The following ARHGAP22 variants were observed in gnomAD, a reference collection of about 807,000 sequenced individuals.
The protein encoded by ARHGAP22 is rho GTPase-activating protein 22.
In ARHGAP22, 48 loss-of-function variants were observed where a neutral mutation model predicts 59.1. The ratio of observed to expected loss-of-function variants is 0.81; its 90% confidence interval spans 0.64 to 1.03. ARHGAP22 has a LOEUF of 1.03. ARHGAP22 is among the 50% of genes least tolerant of loss of function. The probability of loss-of-function intolerance (pLI) is 0.00; values close to 1 mark genes in which losing one functional copy is unlikely to be tolerated. For missense variants in ARHGAP22, 1,015 were observed against 958.7 expected, an observed-to-expected ratio of 1.06 and a Z score of -0.78; for synonymous variants, 445 against 416.4, an observed-to-expected ratio of 1.07 and a Z score of -0.84.
chr10:48,478,315 CCT>C (rs2134051623), intron 4 of ARHGAP22, among the ~76,000 whole-genome samples: 1 of 152,316 alleles, frequency 6.6e-6, no homozygotes, highest in South Asian at 2.1e-4. Context: ...ATTCATGAAG[CCT>C]GAGAGAACAA....
In ARHGAP22 at chr10:48,529,890, T is replaced by C. The variant is rs369317135; in HGVS notation, c.322+25573A>G. ...ATTCAACAAATGGTGCTGTGATAAT[T>C]GGTAAGCCACACATAGAAGAATGAA... On this transcript the variant is annotated intron_variant, in intron 3 of 9. Transcript: ENST00000249601. 1.4e-4 allele frequency among the ~76,000 whole-genome samples: 22 copies of C among 152,152 alleles called. No individual in the cohort carries two copies. In the East Asian group the frequency reaches 3.1e-3, roughly 21 times the overall value.
intron 3 of ARHGAP22, among the ~76,000 whole-genome samples, chr10:48,537,543 T>G (rs1043215501): frequency 6.6e-5 from 10 of 152,216 alleles, no homozygotes; most frequent in Non-Finnish European, 1.2e-4. Flanking sequence ...CTCATGTTTA[T>G]TGAGCATCTG....
At chr10:48,618,164 A>C (rs575116635) in intron 1 of ARHGAP22, among the ~76,000 whole-genome samples, 1 of 152,220 alleles carries the variant, frequency 6.6e-6, no homozygotes, top group East Asian at 1.9e-4. Flanking sequence ...AGAAATGGAA[A>C]ATGTGAACAG....
rs773286684 is a variant in ARHGAP22, at chr10:48,450,349, G to A, written c.1780C>T (p.Arg594Cys). ...AGCCCCTGTAAGGCCTCGGAGCGGC[G>A]CGCGTGTTCCCGGGTGGGGCTGTCC... ...EPDSPTREHA[R>C]RSEALQGLVT... is the part of the protein sequence containing the mutation. The change falls in exon 9 of 10, where the codon CGC becomes TGC. Residue 594 changes from arginine (R) to cysteine (C), a missense_variant. Transcript: ENST00000249601. The A allele has an allele frequency of 1.8e-5, 28 of 1,592,694 alleles. No individual in the cohort carries two copies. The highest frequency in any genetic ancestry group is 4.5e-5 in the South Asian group (4 of 88,024).
At chr10:48,449,390 C>T (rs553058737) in intron 9 of ARHGAP22, among the ~76,000 whole-genome samples, 75 of 152,334 alleles carry the variant, frequency 4.9e-4, no homozygotes, top group African/African-American at 1.8e-3. Flanking sequence ...CTGGCACTCT[C>T]CATCACCCAG....
intron 9 of ARHGAP22, among the ~76,000 whole-genome samples, chr10:48,449,417 G>C (rs2045675083): frequency 6.6e-6 from 1 of 152,242 alleles, no homozygotes; most frequent in Admixed American, 6.5e-5. Flanking sequence ...GCTGTCAGCA[G>C]AGCAAAAGGG....
chr10:48,518,956 A>G (rs545646650), intron 3 of ARHGAP22, among the ~76,000 whole-genome samples: 1 of 152,380 alleles, frequency 6.6e-6, no homozygotes, highest in Admixed American at 6.5e-5. Flanking sequence ...GCCAATTTCT[A>G]GCCCAGGAGA....
chr10:48,493,082 G>T (rs1478739553), intron 3 of ARHGAP22, among the ~76,000 whole-genome samples: 2 of 152,172 alleles, frequency 1.3e-5, no homozygotes, highest in East Asian at 3.8e-4. Flanking sequence ...ACATGTGGCT[G>T]GTGGCTACAG....
chr10:48,434,872 C>T, the ARHGAP22 span: 1 of 1,598,798 alleles, frequency 6.3e-7, no homozygotes. Context: ...TGTTTTGTTT[C>T]TCATAGCACA....
Position 48,520,135 on chromosome 10 carries a change from G to A in ARHGAP22, c.322+35328C>T, listed in dbSNP as rs565319925. Among the ~76,000 whole-genome samples, 48 of 152,308 alleles carry A rather than the reference G, an allele frequency of 3.2e-4. 1 individual carries two copies. The East Asian group carries it at 7.9e-3, about 25-fold the overall frequency. ...AAAGCAGAAGAGGCAGTGGGAGTGC[G>A]GGACTGCACTGGAGTCTAATGAGGG... On this transcript the variant is annotated intron_variant, in intron 3 of 9. Transcript: ENST00000249601.
In ARHGAP22 at chr10:48,453,281, C is replaced by T. The variant is rs776694253; in HGVS notation, c.988+23G>A. 34 of 1,612,576 alleles carry T rather than the reference C, an allele frequency of 2.1e-5. 1 individual carries two copies. The Admixed American group carries it at 5.5e-4, about 26-fold the overall frequency. On this transcript the variant is annotated intron_variant, in intron 8 of 9. Coordinates refer to ENST00000249601, the MANE Select transcript of ARHGAP22 (RefSeq NM_021226.4). ...CCCAGACCCCGGCAGCACCCAGGGC[C>T]ACCAGGTACACCTCCCACTTACCTT...
intron 4 of ARHGAP22, among the ~76,000 whole-genome samples, chr10:48,461,195 A>G (rs2047102352): frequency 6.6e-6 from 1 of 152,240 alleles, no homozygotes; most frequent in Non-Finnish European, 1.5e-5. Context: ...ATCATCAGAA[A>G]CAAAAGAAGC....
At chr10:48,621,954 T>C (rs1342835343) in intron 1 of ARHGAP22, among the ~76,000 whole-genome samples, 1 of 152,188 alleles carries the variant, frequency 6.6e-6, no homozygotes, top group African/African-American at 2.4e-5. Context: ...TTGATTTTAG[T>C]GTAGCCCCTC....
chr10:48,462,118 C>T (rs370546291), intron 4 of ARHGAP22, among the ~76,000 whole-genome samples: 59 of 152,282 alleles, frequency 3.9e-4, no homozygotes, highest in Middle Eastern at 3.4e-3. Context: ...GAAGTGTGTA[C>T]GCACATGTGT....
chr10:48,532,180 G>A (rs913721733), intron 3 of ARHGAP22, among the ~76,000 whole-genome samples: 6 of 152,154 alleles, frequency 3.9e-5, no homozygotes, highest in African/African-American at 7.2e-5. Context: ...CAGGTTATGC[G>A]AGCTCTCAAG....
intron 1 of ARHGAP22, among the ~76,000 whole-genome samples, chr10:48,643,764 A>AATATATATATATATATATATATAT (rs34206353): frequency 1.4e-5 from 2 of 144,264 alleles, no homozygotes; most frequent in African/African-American, 5.2e-5. Flanking sequence ...AAAAAAAAAA[A>AATATATATATATATATATATATAT]ATATATATAT....
rs775111667 is a variant in ARHGAP22, at chr10:48,450,737, C to A, written c.1392G>T (p.Gly464=). Residue 464 remains glycine, a synonymous_variant, in exon 9 of 10, where the codon GGG becomes GGT. Coordinates refer to ENST00000249601, the MANE Select transcript of ARHGAP22 (RefSeq NM_021226.4). The part of the protein sequence containing the change: ...ISSGGNWLMN[G]LSSLRGHRRA... ...GGCGGTGTCCGCGCAGGGAGGACAG[C>A]CCGTTCATAAGCCAGTTCCCGCCGG... The A allele has an allele frequency of 1.2e-5, 19 of 1,558,730 alleles. No homozygotes were observed. The highest frequency in any genetic ancestry group is 3.8e-5 in the Admixed American group (2 of 52,410).
chr10:48,619,851 A>G (rs965458169), intron 1 of ARHGAP22, among the ~76,000 whole-genome samples: 2 of 152,202 alleles, frequency 1.3e-5, no homozygotes, highest in African/African-American at 4.8e-5. Context: ...GACAAATAAG[A>G]TTACATCAGA....
chr10:48,475,593 T>A (rs2048638961), intron 4 of ARHGAP22, among the ~76,000 whole-genome samples: 1 of 152,218 alleles, frequency 6.6e-6, no homozygotes, highest in African/African-American at 2.4e-5. Context: ...ACTTCTCTCA[T>A]TCATTCTCAT....
Sources: gnomAD v4.1 joint callset for allele counts (sites outside exome capture counted in the v4.1 genomes callset) on GRCh38, gnomAD v4.1.1 for gene constraint, MANE v1.5 for transcripts, NCBI Gene and HGNC (gene_info 2026-07-23, HGNC 2026-07-21) for gene names.